Variants in ZMAT4 observed in about 807,000 individuals in gnomAD.
ZMAT4 encodes zinc finger matrin-type protein 4.
Under a neutral mutation model 28.7 loss-of-function variants are expected in ZMAT4, and 17 were observed. The observed-to-expected ratio is 0.59, with a 90% CI of 0.41 to 0.89. The LOEUF is 0.89. Among genes scored for constraint, ZMAT4 ranks in the 40% least tolerant of loss-of-function variants. The probability of loss-of-function intolerance (pLI) is 0.00; values close to 1 mark genes in which losing one functional copy is unlikely to be tolerated. For missense variants in ZMAT4, 240 were observed against 283.8 expected (o/e 0.85, Z 1.11); for synonymous variants, 117 against 109.2 (o/e 1.07, Z -0.44).
At chr8:40,694,853 T>C (rs1809812336) in intron 4 of ZMAT4, among the ~76,000 whole-genome samples, 1 of 152,082 alleles carries the variant, frequency 6.6e-6, no homozygotes, top group Non-Finnish European at 1.5e-5. Flanking sequence ...TAACTTCCCC[T>C]CACTCCCCTC....
chr8:40,537,917 G>A lies in ZMAT4; in HGVS notation c.675-5679C>T, dbSNP rs187211290. On this transcript the variant is annotated intron_variant, in intron 6 of 6. Coordinates refer to ENST00000297737, the MANE Select transcript of ZMAT4 (RefSeq NM_024645.3). The stretch of plus-strand genomic sequence containing the variant: ...GGGGGTTCTGGCTACAGCTGAGGCA[G>A]AGCAAGGGGTCTGCAAAGTGCTAGG... Among the ~76,000 whole-genome samples, 20 of 152,276 alleles carry A rather than the reference G, an allele frequency of 1.3e-4. No homozygotes were observed. The East Asian group carries it at 3.3e-3, about 25-fold the overall frequency.
intron 6 of ZMAT4, among the ~76,000 whole-genome samples, chr8:40,576,522 G>A (rs998392189): frequency 2.3e-4 from 33 of 145,702 alleles, no homozygotes; most frequent in Non-Finnish European, 7.4e-5. Context: ...CATATTTAAG[G>A]GCTGAAAGGA....
At chr8:40,749,942 C>A (rs531245683) in intron 3 of ZMAT4, among the ~76,000 whole-genome samples, 2 of 152,296 alleles carry the variant, frequency 1.3e-5, no homozygotes, top group East Asian at 3.9e-4. Context: ...ATGCAGATTT[C>A]CCAATGCAGC....
At chr8:40,550,730 C>T (rs1585672651) in intron 6 of ZMAT4, among the ~76,000 whole-genome samples, 1 of 152,118 alleles carries the variant, frequency 6.6e-6, no homozygotes, top group South Asian at 2.1e-4. Flanking sequence ...TCCCCTTTGC[C>T]TTCCACCATG....
chr8:40,711,014 G>A (rs1165328066), intron 3 of ZMAT4, among the ~76,000 whole-genome samples: 1 of 152,052 alleles, frequency 6.6e-6, no homozygotes, highest in Non-Finnish European at 1.5e-5. Flanking sequence ...TCGATCTCTT[G>A]ACCTCGTGAT....
At chr8:40,538,602 TGA>T (rs1462702645) in intron 6 of ZMAT4, among the ~76,000 whole-genome samples, 1 of 152,136 alleles carries the variant, frequency 6.6e-6, no homozygotes. Context: ...TCATCTGAAG[TGA>T]GAGAGTTCAG....
intron 1 of ZMAT4, among the ~76,000 whole-genome samples, chr8:40,838,429 A>G (rs1477950044): frequency 6.6e-6 from 1 of 151,996 alleles, no homozygotes; most frequent in Non-Finnish European, 1.5e-5. Flanking sequence ...TGTAGCCTCA[A>G]CCTCCTGGGC....
chr8:40,725,342 G>A (rs1463718149), intron 3 of ZMAT4, among the ~76,000 whole-genome samples: 1 of 152,184 alleles, frequency 6.6e-6, no homozygotes. Flanking sequence ...CAAAGCTAAT[G>A]TAACGTCTTT....
chr8:40,607,211 G>T (rs2722440), intron 5 of ZMAT4, among the ~76,000 whole-genome samples: 1 of 147,060 alleles, frequency 6.8e-6, no homozygotes. Context: ...TGCAAGCTCC[G>T]CCTCCTGGGT....
chr8:40,786,816 C>A, intron 2 of ZMAT4: 1 of 1,130,536 alleles, frequency 8.8e-7, no homozygotes, highest in Non-Finnish European at 1.2e-6. Flanking sequence ...ACTGTGCTTA[C>A]AGAAGAAAAT....
At chr8:40,663,095 G>T (rs566465155) in intron 5 of ZMAT4, among the ~76,000 whole-genome samples, 2 of 152,218 alleles carry the variant, frequency 1.3e-5, no homozygotes, top group South Asian at 2.1e-4. Flanking sequence ...GACATGCAAG[G>T]CCATTTACAA....
At chr8:40,657,144 C>T (rs1031278740) in intron 5 of ZMAT4, among the ~76,000 whole-genome samples, 2 of 152,158 alleles carry the variant, frequency 1.3e-5, no homozygotes, top group African/African-American at 4.8e-5. Flanking sequence ...CATCCTCCCA[C>T]CTCAGTTTCC....
At chr8:40,826,252 T>C (rs111584976) in intron 1 of ZMAT4, among the ~76,000 whole-genome samples, 3 of 152,334 alleles carry the variant, frequency 2.0e-5, no homozygotes, top group African/African-American at 7.2e-5. Context: ...ACTATGTGGC[T>C]TCCAAATCCA....
rs566600657 is a variant in ZMAT4 at position 40,805,135 on chromosome 8, G to A, written c.102+20440C>T. Among the ~76,000 whole-genome samples the A allele has an allele frequency of 7.0e-4, 107 of 152,168 alleles. 2 individuals carry two copies. Among genetic ancestry groups the A allele is most frequent in the Admixed American group, 4.8e-3 (73 of 15,274 alleles). On this transcript the variant is annotated intron_variant, in intron 2 of 6. Coordinates refer to ENST00000297737, the MANE Select transcript of ZMAT4 (RefSeq NM_024645.3). ...CAAACAACCCCATCAAAAAGTGGGC[G>A]AAGGACATGACTCAAAAGAAGACAT...
intron 1 of ZMAT4, among the ~76,000 whole-genome samples, chr8:40,882,570 G>A (rs1349767988): frequency 3.9e-5 from 6 of 152,138 alleles, no homozygotes; most frequent in Non-Finnish European, 8.8e-5. Flanking sequence ...CCCTGGCCTG[G>A]CACACCGGGA....
intron 5 of ZMAT4, among the ~76,000 whole-genome samples, chr8:40,666,130 C>T (rs1441320086): frequency 6.6e-6 from 1 of 152,118 alleles, no homozygotes; most frequent in Non-Finnish European, 1.5e-5. Context: ...GCCACTGTTT[C>T]TAAGTAAGAA....
intron 5 of ZMAT4, among the ~76,000 whole-genome samples, chr8:40,666,247 C>A (rs78679582): frequency 3.3e-5 from 5 of 152,104 alleles, no homozygotes; most frequent in Non-Finnish European, 7.4e-5. Context: ...AACTCAATAA[C>A]TTCCTTTGTT....
rs56089603 is a variant in ZMAT4 at position 40,873,031 on chromosome 8, A to T, written c.-5+24652T>A. On this transcript the variant is annotated intron_variant, in intron 1 of 6. Coordinates refer to ENST00000297737, the MANE Select transcript of ZMAT4 (RefSeq NM_024645.3). ...AGTACCAATAAGCCTCAGTCTCTGA[A>T]GCCCCAAGAGGTTAAAAAAAAATTA... 8.4e-3 allele frequency among the ~76,000 whole-genome samples: 1,275 copies of T among 152,212 alleles called. 27 individuals carry two copies. The highest frequency in any genetic ancestry group is 0.029 in the African/African-American group (1,207 of 41,512).
At chr8:40,655,846 C>T (rs1414315119) in intron 5 of ZMAT4, among the ~76,000 whole-genome samples, 2 of 152,050 alleles carry the variant, frequency 1.3e-5, no homozygotes, top group East Asian at 3.9e-4. Flanking sequence ...AACTATGAAA[C>T]TCTTAGAATA....
Sources: allele counts gnomAD v4.1 joint callset (sites outside exome capture counted in the v4.1 genomes callset), GRCh38; gene constraint gnomAD v4.1.1; transcripts MANE v1.5; gene names NCBI Gene and HGNC (gene_info 2026-07-23, HGNC 2026-07-21).